The following GAB2 variants were observed in gnomAD, a reference collection of about 807,000 sequenced individuals.
GAB2 encodes GRB2 associated binding protein 2, also known as GRB2-associated-binding protein 2.
Under a neutral mutation model 65.5 loss-of-function variants are expected in GAB2, and 26 were observed. That is an observed-to-expected ratio of 0.40 (90% CI 0.29 to 0.55). The LOEUF is 0.55. Among genes scored for constraint, GAB2 ranks in the 20% least tolerant of loss-of-function variants. GAB2 has a pLI of 0.53. For missense variants in GAB2, 884 were observed against 875.8 expected, an observed-to-expected ratio of 1.01 and a Z score of -0.12; for synonymous variants, 321 against 329.6, an observed-to-expected ratio of 0.97 and a Z score of 0.28.
chr11:78,272,884 GT>G (rs1203364397), intron 2 of GAB2, among the ~76,000 whole-genome samples: 2 of 152,224 alleles, frequency 1.3e-5, no homozygotes, highest in African/African-American at 4.8e-5. Context: ...TTGGTGCCCT[GT>G]GTCCCAGTCA....
intron 2 of GAB2, among the ~76,000 whole-genome samples, chr11:78,274,481 G>C (rs1866111160): frequency 6.6e-6 from 1 of 152,370 alleles, no homozygotes. Context: ...GGTGCTGCCA[G>C]TGGGTTCTAT....
intron 1 of GAB2, among the ~76,000 whole-genome samples, chr11:78,350,409 A>G (rs770474071): frequency 6.6e-6 from 1 of 152,198 alleles, no homozygotes; most frequent in Non-Finnish European, 1.5e-5. Flanking sequence ...TCAACTTTTA[A>G]CAAAGGCCCA....
intron 1 of GAB2, among the ~76,000 whole-genome samples, chr11:78,406,928 A>T (rs992084282): frequency 1.3e-5 from 2 of 151,602 alleles, no homozygotes; most frequent in African/African-American, 4.9e-5. Flanking sequence ...GGAATTTTAG[A>T]ACTGAAAAAT....
At chr11:78,251,691 C>T (rs969891207) in intron 2 of GAB2, among the ~76,000 whole-genome samples, 17 of 152,212 alleles carry the variant, frequency 1.1e-4, no homozygotes, top group Non-Finnish European at 2.2e-4. Flanking sequence ...CATATGCAGA[C>T]TTTTAGACCC....
At chr11:78,284,268 A>G (rs1049204780) in intron 1 of GAB2, among the ~76,000 whole-genome samples, 1 of 152,202 alleles carries the variant, frequency 6.6e-6, no homozygotes, top group African/African-American at 2.4e-5. Context: ...CACCTGGTCT[A>G]GTCCACCATT....
chr11:78,229,782 C>CT (rs1222335318), intron 3 of GAB2, among the ~76,000 whole-genome samples: 3 of 152,194 alleles, frequency 2.0e-5, no homozygotes, highest in Non-Finnish European at 4.4e-5. Flanking sequence ...GCAGTGTTCC[C>CT]TGTGTGCCCC....
intron 1 of GAB2, among the ~76,000 whole-genome samples, chr11:78,329,773 G>A (rs572030762): frequency 9.2e-5 from 14 of 152,258 alleles, no homozygotes; most frequent in Admixed American, 4.6e-4. Flanking sequence ...CATGTATCTC[G>A]CCATATTGCT....
chr11:78,225,323 C>T (rs1388592276), intron 4 of GAB2, 121 bp from the exon 5 acceptor site: 2 of 635,680 alleles, frequency 3.1e-6, no homozygotes, highest in Non-Finnish European at 5.6e-6. Context: ...ACTCTCAACC[C>T]CAAATGATAA....
chr11:78,251,954 CT>C (rs1865467101), intron 2 of GAB2, among the ~76,000 whole-genome samples: 1 of 152,076 alleles, frequency 6.6e-6, no homozygotes, highest in Admixed American at 6.5e-5. Context: ...TCATTCAGCA[CT>C]CAAAAATTCC....
chr11:78,265,590 A>G (rs1407994455), intron 2 of GAB2, among the ~76,000 whole-genome samples: 3 of 152,220 alleles, frequency 2.0e-5, no homozygotes, highest in Non-Finnish European at 4.4e-5. Context: ...AAAAGCAAAC[A>G]ATAAACAAAT....
intron 1 of GAB2, among the ~76,000 whole-genome samples, chr11:78,363,014 C>T (rs900609381): frequency 7.9e-5 from 12 of 152,152 alleles, no homozygotes; most frequent in African/African-American, 2.9e-4. Flanking sequence ...AAGTCCATTA[C>T]ATAATGGGAG....
chr11:78,239,330 C>T (rs1265779685), intron 3 of GAB2, among the ~76,000 whole-genome samples: 1 of 152,174 alleles, frequency 6.6e-6, no homozygotes, highest in Non-Finnish European at 1.5e-5. Context: ...AAGCGATTCT[C>T]CTGCCTCAGC....
rs562673081 is a variant in GAB2, at chr11:78,250,248, A to C, written c.529T>G (p.Ser177Ala). 78 of 1,613,446 alleles carry C rather than the reference A, an allele frequency of 4.8e-5. No individual in the cohort carries two copies. The South Asian group carries it at 8.2e-4, about 17-fold the overall frequency. ...GACAAGGTGGGCTGCATGTGGTTTG[A>C]CACAGGGGGTTCAAACGTGAACAGA... ...PTLFTFEPPV[S>A]NHMQPTLSTS... Residue 177 changes from serine (S) to alanine (A), a missense_variant, in exon 3 of 10, where the codon TCA becomes GCA. By Grantham distance (99) the Ser-to-Ala change is moderately conservative (BLOSUM62 1). Transcript: ENST00000361507.
At chr11:78,402,184 C>T (rs1856981712) in intron 1 of GAB2, among the ~76,000 whole-genome samples, 1 of 152,166 alleles carries the variant, frequency 6.6e-6, no homozygotes, top group South Asian at 2.1e-4. Context: ...TCCTTGCACA[C>T]ACTGTGTATG....
intron 1 of GAB2, among the ~76,000 whole-genome samples, chr11:78,384,452 T>G (rs942122517): frequency 1.3e-5 from 2 of 152,122 alleles, no homozygotes; most frequent in Non-Finnish European, 2.9e-5. Context: ...AGGCCAGAGA[T>G]CCACTCAAAA....
intron 3 of GAB2, among the ~76,000 whole-genome samples, chr11:78,240,508 G>A (rs534639106): frequency 3.3e-4 from 50 of 151,802 alleles, no homozygotes; most frequent in Admixed American, 8.5e-4. Context: ...GTTGAGATAC[G>A]CCTCTCCCTG....
chr11:78,412,785 T>C (rs10899496), intron 1 of GAB2, among the ~76,000 whole-genome samples: 40,609 of 152,126 alleles, frequency 0.27, 6,206 homozygotes, highest in East Asian at 0.44. Flanking sequence ...TTGGGTAAGT[T>C]GCTTCCCTTA....
At chr11:78,322,223 T>G (rs1423808755) in intron 1 of GAB2, among the ~76,000 whole-genome samples, 1 of 138,886 alleles carries the variant, frequency 7.2e-6, no homozygotes, top group Non-Finnish European at 1.5e-5. Flanking sequence ...GAGAATCACT[T>G]GAACCCAGGA....
chr11:78,381,576 T>C (rs1276978135), intron 1 of GAB2, among the ~76,000 whole-genome samples: 1 of 150,184 alleles, frequency 6.7e-6, no homozygotes, highest in Non-Finnish European at 1.5e-5. Context: ...GTAAAAAAGG[T>C]TCTTCTTTTA....
Sources: allele counts gnomAD v4.1 joint callset (sites outside exome capture counted in the v4.1 genomes callset), GRCh38; gene constraint gnomAD v4.1.1; transcripts MANE v1.5; gene names NCBI Gene and HGNC (gene_info 2026-07-23, HGNC 2026-07-21).